CDH13: variants seen among roughly 807,000 people sequenced by gnomAD.
CDH13 encodes the protein cadherin 13.
Under a neutral mutation model 63.8 loss-of-function variants are expected in CDH13, and 24 were observed. The ratio of observed to expected loss-of-function variants is 0.38; its 90% CI spans 0.27 to 0.53. CDH13 has a LOEUF of 0.53. CDH13 is among the 20% of genes least tolerant of loss of function. CDH13 has a pLI of 0.85. For synonymous variants in CDH13, 503 were observed against 355.3 expected (o/e 1.42, Z -4.67); for missense variants, 1,049 against 903.1 (o/e 1.16, Z -2.07).
intron 1 of CDH13, among the ~76,000 whole-genome samples, chr16:82,855,822 A>G (rs1191084136): frequency 6.6e-6 from 1 of 152,154 alleles, no homozygotes; most frequent in Non-Finnish European, 1.5e-5. Context: ...ACCTCCTGAG[A>G]TTGATTCTTG....
intron 1 of CDH13, chr16:82,844,482 T>G (rs1228462309): frequency 2.7e-5 from 4 of 149,286 alleles, no homozygotes; most frequent in African/African-American, 9.8e-5. Flanking sequence ...GCGCCTGTAG[T>G]CCCAGCTACT....
intron 6 of CDH13, among the ~76,000 whole-genome samples, chr16:83,433,379 C>A (rs571615026): frequency 6.6e-6 from 1 of 152,104 alleles, no homozygotes; most frequent in Admixed American, 6.5e-5. Context: ...ATGAGAAACA[C>A]GAAAAAGCTT....
intron 5 of CDH13, among the ~76,000 whole-genome samples, chr16:83,295,698 T>G (rs1202094471): frequency 6.6e-6 from 1 of 152,130 alleles, no homozygotes; most frequent in Non-Finnish European, 1.5e-5. Flanking sequence ...TGTGGAGAAA[T>G]GAGGAACCCT....
rs541344505 is a variant in CDH13 at position 83,691,625 on chromosome 16, G to T, written c.1538+13164G>T. Among the ~76,000 whole-genome samples the T allele has an allele frequency of 2.0e-5, 3 of 152,262 alleles. No individual in the cohort carries two copies. In the East Asian group the frequency reaches 5.8e-4, roughly 29 times the overall value. The stretch of plus-strand genomic sequence containing the variant: ...AGGTCAGGAGTTCAAGACCAGCACA[G>T]TTCCGTACAACGGTGCTGTTAACTT... On this transcript the variant is annotated intron_variant, in intron 10 of 13. Transcript: ENST00000567109.
intron 10 of CDH13, among the ~76,000 whole-genome samples, chr16:83,725,084 G>C (rs569625807): frequency 3.3e-5 from 5 of 152,174 alleles, no homozygotes; most frequent in African/African-American, 1.2e-4. Flanking sequence ...TAGTATAAAA[G>C]CTATGATGAA....
chr16:83,599,326 G>A (rs1347741686), intron 7 of CDH13, among the ~76,000 whole-genome samples: 1 of 152,180 alleles, frequency 6.6e-6, no homozygotes, highest in Non-Finnish European at 1.5e-5. Context: ...CGCAATGTCA[G>A]GAGCTGTCCT....
intron 2 of CDH13, among the ~76,000 whole-genome samples, chr16:82,966,700 A>G (rs532966101): frequency 9.2e-5 from 14 of 152,272 alleles, no homozygotes; most frequent in South Asian, 8.3e-4. Context: ...TTTTAGTTCA[A>G]ATTTTTCAAA....
At chr16:83,097,277 AC>A (rs2034253654) in intron 3 of CDH13, among the ~76,000 whole-genome samples, 2 of 152,168 alleles carry the variant, frequency 1.3e-5, no homozygotes, top group African/African-American at 4.8e-5. Flanking sequence ...AAATAATCTC[AC>A]ATTGTCTCTA....
chr16:82,662,762 C>G (rs1261334542), intron 1 of CDH13, among the ~76,000 whole-genome samples: 1 of 152,192 alleles, frequency 6.6e-6, no homozygotes, highest in Non-Finnish European at 1.5e-5. Context: ...GCCTGAGAGG[C>G]TTAAACAACC....
At chr16:83,524,100 T>G (rs1015674491) in intron 7 of CDH13, among the ~76,000 whole-genome samples, 22 of 152,228 alleles carry the variant, frequency 1.4e-4, no homozygotes, top group African/African-American at 5.3e-4. Context: ...CCCGAAGAGC[T>G]GAAATGTCCT....
intron 8 of CDH13, among the ~76,000 whole-genome samples, chr16:83,608,266 G>T (rs1283480132): frequency 6.6e-6 from 1 of 152,140 alleles, no homozygotes; most frequent in Non-Finnish European, 1.5e-5. Context: ...TCCTCCAGCT[G>T]GAAAATGAGA....
At position 82,982,511 on chromosome 16, in the gene CDH13, G is replaced by A. The variant is rs138923144; in HGVS notation, c.158-49499G>A. 3.7e-3 allele frequency among the ~76,000 whole-genome samples: 565 copies of A among 152,282 alleles called. 2 individuals are homozygous for A. Among genetic ancestry groups the A allele is most frequent in the African/African-American group, 0.013 (541 of 41,550 alleles). On this transcript the variant is annotated intron_variant, in intron 2 of 13. Coordinates refer to ENST00000567109, the MANE Select transcript of CDH13 (RefSeq NM_001257.5). ...TTTTTCCTGTATCCCTTGGCTTAGGGACTATTCCTCCATGTTCAAAGCTGC... is the reference window on the plus strand; with the variant it reads ...TTTTTCCTGTATCCCTTGGCTTAGGAACTATTCCTCCATGTTCAAAGCTGC...
At chr16:83,007,543 C>T (rs1252748675) in intron 2 of CDH13, among the ~76,000 whole-genome samples, 7 of 152,116 alleles carry the variant, frequency 4.6e-5, no homozygotes, top group African/African-American at 1.7e-4. Flanking sequence ...AGAAAAATGT[C>T]TTAAGGCCGG....
chr16:83,617,615 A>G (rs1046933592), intron 8 of CDH13, among the ~76,000 whole-genome samples: 3 of 151,338 alleles, frequency 2.0e-5, no homozygotes, highest in Non-Finnish European at 2.9e-5. Context: ...ACATATCTTA[A>G]TATGCACATA....
At chr16:83,211,776 G>C (rs960225928) in intron 4 of CDH13, among the ~76,000 whole-genome samples, 1 of 151,804 alleles carries the variant, frequency 6.6e-6, no homozygotes. Context: ...CAAACAGCCA[G>C]CCAGGAAGTC....
At chr16:83,700,805 G>A (rs963753817) in intron 10 of CDH13, among the ~76,000 whole-genome samples, 2 of 152,212 alleles carry the variant, frequency 1.3e-5, no homozygotes, top group African/African-American at 4.8e-5. Flanking sequence ...CAGGCGAGGA[G>A]TAGAGGAATA....
chr16:83,260,097 T>TGC (rs1358317107), intron 5 of CDH13, among the ~76,000 whole-genome samples: 66 of 126,522 alleles, frequency 5.2e-4, no homozygotes, highest in Middle Eastern at 7.6e-3. Flanking sequence ...GTACCCCCAA[T>TGC]ACACACACAC....
chr16:83,027,221 G>C lies in CDH13; in HGVS notation c.158-4789G>C, dbSNP rs1035335314. Among the ~76,000 whole-genome samples the C allele has an allele frequency of 4.0e-5, 6 of 150,514 alleles. No homozygotes were observed. In the Admixed American group the frequency reaches 4.0e-4, roughly 10 times the overall value. ...GATGGCCTCCCATGTGGAAAAACATGCTGTTCATTGCTGAAGATGTAAAGA... is the reference window on the plus strand; with the variant it reads ...GATGGCCTCCCATGTGGAAAAACATCCTGTTCATTGCTGAAGATGTAAAGA... On this transcript the variant is annotated intron_variant, in intron 2 of 13. Coordinates refer to ENST00000567109, the MANE Select transcript of CDH13 (RefSeq NM_001257.5).
intron 3 of CDH13, among the ~76,000 whole-genome samples, chr16:83,088,547 G>T (rs2033729032): frequency 6.6e-6 from 1 of 152,106 alleles, no homozygotes; most frequent in African/African-American, 2.4e-5. Flanking sequence ...TACAGCCTTG[G>T]GCAAGCTGGT....
Sources: allele counts gnomAD v4.1 joint callset (sites outside exome capture counted in the v4.1 genomes callset), GRCh38; gene constraint gnomAD v4.1.1; transcripts MANE v1.5; gene names NCBI Gene and HGNC (gene_info 2026-07-23, HGNC 2026-07-21).